URI1: variants seen among roughly 807,000 people sequenced by gnomAD.
URI1 encodes the protein URI1 prefoldin like chaperone.
URI1 carries 39 observed loss-of-function variants against 60.2 expected under a neutral mutation model. The ratio of observed to expected loss-of-function variants is 0.65; its 90% CI spans 0.50 to 0.85. URI1 has a LOEUF of 0.85. Ranked by LOEUF, URI1 falls within the 40% of genes least tolerant of loss-of-function variation. The pLI is 0.00. For synonymous variants in URI1, 251 were observed against 236.8 expected (o/e 1.06, Z -0.55); for missense variants, 691 against 665.9 (o/e 1.04, Z -0.42).
intron 4 of URI1, among the ~76,000 whole-genome samples, chr19:29,998,245 T>C (rs162937): frequency 0.01 from 1,569 of 152,316 alleles, 37 homozygotes; most frequent in African/African-American, 0.036. Flanking sequence ...TTTTGTGGCC[T>C]CTCATATGAC....
chr19:29,985,437 C>A, intron 3 of URI1, 136 bp downstream of exon 3: 1 of 617,276 alleles, frequency 1.6e-6, no homozygotes, highest in Non-Finnish European at 2.6e-6. Context: ...TTTTGTTTTA[C>A]TTTATAAGAA....
In URI1 at chr19:30,011,077, T is replaced by C. The variant is rs1218985784; in HGVS notation, c.1036-17T>C. On this transcript the variant is annotated splice_polypyrimidine_tract_variant and intron_variant, in intron 8 of 10. Transcript: ENST00000392271. ...AATTTGTCAAAAGATTCTTAATTTCTTGCTCTGAAATTTTAGGTCCGAATA... is the reference window on the plus strand; with the variant it reads ...AATTTGTCAAAAGATTCTTAATTTCCTGCTCTGAAATTTTAGGTCCGAATA... 1 of 1,593,774 alleles carries C rather than the reference T, an allele frequency of 6.3e-7. No individual in the cohort carries two copies. Among genetic ancestry groups the C allele is most frequent in the Admixed American group, 1.8e-5 (1 of 54,772 alleles).
intron 1 of URI1, among the ~76,000 whole-genome samples, chr19:29,955,036 G>C (rs1406496434): frequency 6.7e-6 from 1 of 149,736 alleles, no homozygotes; most frequent in Non-Finnish European, 1.5e-5. Flanking sequence ...ATGGAGTCTC[G>C]CTCTGTTGCT....
intron 2 of URI1, among the ~76,000 whole-genome samples, chr19:29,983,584 A>G (rs1021121719): frequency 6.6e-6 from 1 of 152,080 alleles, no homozygotes; most frequent in Non-Finnish European, 1.5e-5. Context: ...GAGTTGGTGA[A>G]TTTTTGTTTC....
intron 1 of URI1, among the ~76,000 whole-genome samples, chr19:29,936,560 C>G (rs79332726): frequency 6.6e-6 from 1 of 152,132 alleles, no homozygotes; most frequent in Non-Finnish European, 1.5e-5. Context: ...GAGTTTCTCG[C>G]GCTTGTAATT....
chr19:29,985,357 T>G (rs1338167234), intron 3 of URI1, 56 bp downstream of exon 3: 2 of 1,429,332 alleles, frequency 1.4e-6, no homozygotes, highest in East Asian at 4.6e-5. Flanking sequence ...ACATATTAAC[T>G]ATGTGTCGGT....
intron 2 of URI1, chr19:29,980,295 G>A (rs2145355157): frequency 6.6e-6 from 1 of 152,166 alleles, no homozygotes; most frequent in Non-Finnish European, 1.5e-5. Context: ...TTGTTGTAGA[G>A]GAGCTGCTCA....
Position 29,954,936 on chromosome 19 carries a change from G to A in URI1, c.117+12272G>A, listed in dbSNP as rs149613741. The stretch of plus-strand genomic sequence containing the variant: ...TCTTATACAAAAGGCAGCTTATTTT[G>A]CCTTTTGTTCATCTCATTAAATGAT... On this transcript the variant is annotated intron_variant, in intron 1 of 10. Transcript: ENST00000392271. 1.4e-3 allele frequency among the ~76,000 whole-genome samples: 218 copies of A among 151,958 alleles called. 1 individual carries two copies. The highest frequency in any genetic ancestry group is 5.1e-3 in the African/African-American group (212 of 41,444).
At chr19:30,004,261 G>C (rs777810103) in intron 4 of URI1, 1 of 152,024 alleles carries the variant, frequency 6.6e-6, no homozygotes, top group Non-Finnish European at 1.5e-5. Context: ...TTCATGGCTA[G>C]AGCATAAGTG....
At chr19:29,950,192 G>GA (rs1232642361) in intron 1 of URI1, among the ~76,000 whole-genome samples, 1 of 14,748 alleles carries the variant, frequency 6.8e-5, no homozygotes, top group African/African-American at 3.0e-4. Context: ...TTTCAAGGAG[G>GA]AAAAAACCCA....
intron 1 of URI1, among the ~76,000 whole-genome samples, chr19:29,937,124 T>C (rs2054980136): frequency 6.6e-6 from 1 of 152,234 alleles, no homozygotes; most frequent in Non-Finnish European, 1.5e-5. Context: ...GTTCACTGGT[T>C]CTTTCTTCTT....
At position 29,984,246 on chromosome 19, in the gene URI1, C is replaced by G. The variant is rs115785799; in HGVS notation, c.153-977C>G. Among the ~76,000 whole-genome samples the G allele has an allele frequency of 3.5e-3, 532 of 152,024 alleles. 5 individuals are homozygous for G. Among genetic ancestry groups the G allele is most frequent in the African/African-American group, 0.012 (517 of 41,484 alleles). On this transcript the variant is annotated intron_variant, in intron 2 of 10. Transcript: ENST00000392271. ...TTCGAGACCAGCCTGGCCAACGTGG[C>G]GAAGAAACCTAATCTCTATGGAAGA... is the stretch of plus-strand genomic sequence containing the variant.
At chr19:29,998,830 A>T (rs2055843968) in intron 4 of URI1, among the ~76,000 whole-genome samples, 1 of 151,990 alleles carries the variant, frequency 6.6e-6, no homozygotes, top group Non-Finnish European at 1.5e-5. Flanking sequence ...TGATGGGGGA[A>T]AGACTTTCGC....
intron 1 of URI1, among the ~76,000 whole-genome samples, chr19:29,950,019 T>C (rs2055160116): frequency 6.6e-6 from 1 of 152,246 alleles, no homozygotes; most frequent in African/African-American, 2.4e-5. Context: ...CGAAGGCACA[T>C]TCCGTTTTGT....
At chr19:30,013,418 C>A (rs1402139606) in intron 10 of URI1, among the ~76,000 whole-genome samples, 1 of 152,008 alleles carries the variant, frequency 6.6e-6, no homozygotes, top group African/African-American at 2.4e-5. Context: ...TGTTTTCTTC[C>A]CCTCTTCTTA....
At chr19:29,943,140 T>C (rs1355619274) in intron 1 of URI1, among the ~76,000 whole-genome samples, 2 of 151,610 alleles carry the variant, frequency 1.3e-5, no homozygotes, top group African/African-American at 4.9e-5. Context: ...AAAGAGAGTC[T>C]CACTATGTTG....
At chr19:29,950,093 G>C (rs867125485) in intron 1 of URI1, among the ~76,000 whole-genome samples, 1 of 152,286 alleles carries the variant, frequency 6.6e-6, no homozygotes, top group Middle Eastern at 3.4e-3. Flanking sequence ...TCTTGTTGTT[G>C]GCACTTAGTA....
At chr19:30,002,757 A>G (rs778641270) in intron 4 of URI1, among the ~76,000 whole-genome samples, 2 of 151,890 alleles carry the variant, frequency 1.3e-5, no homozygotes, top group Admixed American at 6.6e-5. Context: ...CTTTGATCCC[A>G]TTGAATTTGT....
intron 8 of URI1, among the ~76,000 whole-genome samples, chr19:30,010,114 A>C (rs749912490): frequency 6.6e-6 from 1 of 152,154 alleles, no homozygotes; most frequent in African/African-American, 2.4e-5. Context: ...TCTCAGGGAA[A>C]TTTAAGGCCT....
Sources: allele counts gnomAD v4.1 joint callset (sites outside exome capture counted in the v4.1 genomes callset), GRCh38; gene constraint gnomAD v4.1.1; transcripts MANE v1.5; gene names NCBI Gene and HGNC (gene_info 2026-07-23, HGNC 2026-07-21).